EPHA6: variants seen among roughly 807,000 people sequenced by gnomAD.
The protein encoded by EPHA6 is EPH receptor A6.
In EPHA6, 50 loss-of-function variants were observed where a neutral mutation model predicts 112.0. The ratio of observed to expected loss-of-function variants is 0.45; its 90% CI spans 0.36 to 0.56. The LOEUF (loss-of-function observed/expected upper bound fraction) is 0.56. Ranked by LOEUF, EPHA6 falls within the 20% of genes least tolerant of loss-of-function variation. The pLI is 0.00. For missense variants in EPHA6, 1,280 were observed against 1,417.4 expected, an observed-to-expected ratio of 0.90 and a Z score of 1.56; for synonymous variants, 529 against 490.7, an observed-to-expected ratio of 1.08 and a Z score of -1.03.
intron 2 of EPHA6, among the ~76,000 whole-genome samples, chr3:96,955,280 A>T (rs1454752704): frequency 6.6e-6 from 1 of 152,098 alleles, no homozygotes; most frequent in African/African-American, 2.4e-5. Context: ...CTTTACATTA[A>T]TGGTGTTTTT....
intron 11 of EPHA6, among the ~76,000 whole-genome samples, chr3:97,553,226 A>G (rs1228908785): frequency 2.6e-5 from 4 of 151,752 alleles, no homozygotes; most frequent in African/African-American, 9.7e-5. Context: ...ACCCCTGCTA[A>G]TCCACAATGC....
At chr3:97,481,160 C>T (rs1185555188) in intron 9 of EPHA6, 5 of 809,150 alleles carry the variant, frequency 6.2e-6, no homozygotes, top group Non-Finnish European at 8.4e-6. Flanking sequence ...GCCGAGATCA[C>T]GCCACTGCAC....
intron 3 of EPHA6, among the ~76,000 whole-genome samples, chr3:97,115,932 A>C (rs1290597244): frequency 6.6e-6 from 1 of 151,826 alleles, no homozygotes. Flanking sequence ...CCTAAAAACA[A>C]ATCATAGTAC....
chr3:97,720,995 A>G (rs2107796576), intron 15 of EPHA6, among the ~76,000 whole-genome samples: 1 of 152,340 alleles, frequency 6.6e-6, no homozygotes, highest in African/African-American at 2.4e-5. Context: ...TGACCTATCC[A>G]CAGTGATAGA....
At chr3:96,947,922 A>G (rs765515530) in intron 2 of EPHA6, among the ~76,000 whole-genome samples, 3 of 152,156 alleles carry the variant, frequency 2.0e-5, no homozygotes, top group African/African-American at 4.8e-5. Context: ...TAGACCCGAA[A>G]GAGAGCCTGC....
chr3:97,698,556 T>A (rs2033182187), intron 14 of EPHA6, among the ~76,000 whole-genome samples: 1 of 152,170 alleles, frequency 6.6e-6, no homozygotes, highest in African/African-American at 2.4e-5. Flanking sequence ...AATTTCAGGA[T>A]AACACAATAG....
At chr3:96,913,288 C>T (rs1421654756) in intron 2 of EPHA6, among the ~76,000 whole-genome samples, 2 of 151,276 alleles carry the variant, frequency 1.3e-5, no homozygotes. Flanking sequence ...GAGGATTGCT[C>T]GAGCTTGGAA....
At chr3:97,636,772 A>T (rs1239643445) in intron 13 of EPHA6, among the ~76,000 whole-genome samples, 1 of 152,242 alleles carries the variant, frequency 6.6e-6, no homozygotes, top group East Asian at 1.9e-4. Context: ...TTTAAAATTT[A>T]TAAGTTTCTC....
chr3:97,705,510 CTTA>C (rs1302251899), intron 14 of EPHA6, among the ~76,000 whole-genome samples: 1 of 152,154 alleles, frequency 6.6e-6, no homozygotes, highest in Non-Finnish European at 1.5e-5. Flanking sequence ...TAATTGAGCA[CTTA>C]TTATGCTTGG....
Position 96,866,903 on chromosome 3 carries a change from T to G in EPHA6, c.450+14T>G. ...CCATTAAATGGGGTAAGTTTAAATATCTGAAAAATTGCTGTCTTTTTTAGA... is the reference window on the plus strand; with the variant it reads ...CCATTAAATGGGGTAAGTTTAAATAGCTGAAAAATTGCTGTCTTTTTTAGA... On this transcript the variant is annotated intron_variant, in intron 2 of 17. Coordinates refer to ENST00000389672, the MANE Select transcript of EPHA6 (RefSeq NM_001080448.3). 7.0e-7 allele frequency: 1 copy of G among 1,420,498 alleles called. No homozygotes were observed. Among genetic ancestry groups the G allele is most frequent in the Non-Finnish European group, 9.4e-7 (1 of 1,067,732 alleles). The allele number at this position is 1,420,498 out of a possible 1,614,324, so 88.0% of individuals were successfully genotyped here. A position where few individuals can be genotyped will look rare whatever the true frequency, so the allele number is the denominator to read the frequency against.
chr3:97,319,584 C>T (rs2049364), intron 5 of EPHA6, among the ~76,000 whole-genome samples: 16,768 of 149,870 alleles, frequency 0.11, 1,913 homozygotes, highest in African/African-American at 0.25. Context: ...GCAGGAGAGT[C>T]GCTTGAACCC....
At chr3:96,959,154 A>C (rs1369014255) in intron 2 of EPHA6, among the ~76,000 whole-genome samples, 1 of 152,024 alleles carries the variant, frequency 6.6e-6, no homozygotes, top group Non-Finnish European at 1.5e-5. Flanking sequence ...ATTGCTCCAC[A>C]TTTTCACCAA....
intron 5 of EPHA6, among the ~76,000 whole-genome samples, chr3:97,284,251 G>C (rs1379805520): frequency 6.6e-6 from 1 of 151,982 alleles, no homozygotes; most frequent in Non-Finnish European, 1.5e-5. Flanking sequence ...TGTTTTACTA[G>C]CTTTTAAATC....
At chr3:97,061,615 G>A (rs1485964802) in intron 3 of EPHA6, among the ~76,000 whole-genome samples, 1 of 152,112 alleles carries the variant, frequency 6.6e-6, no homozygotes, top group Non-Finnish European at 1.5e-5. Context: ...AAATAAACTC[G>A]GGAAATAGGG....
intron 7 of EPHA6, among the ~76,000 whole-genome samples, chr3:97,452,162 T>G (rs1339855578): frequency 2.6e-5 from 4 of 151,912 alleles, no homozygotes; most frequent in Non-Finnish European, 5.9e-5. Flanking sequence ...CCTCTTGCAC[T>G]TAGAGACCAG....
At chr3:97,051,035 T>C (rs11927062) in intron 3 of EPHA6, among the ~76,000 whole-genome samples, 2,420 of 152,274 alleles carry the variant, frequency 0.016, 62 homozygotes, top group African/African-American at 0.049. Context: ...TCAGAAAGAA[T>C]AAGTTTACCC....
intron 3 of EPHA6, among the ~76,000 whole-genome samples, chr3:97,107,920 T>C (rs1407572831): frequency 6.6e-5 from 10 of 152,204 alleles, no homozygotes; most frequent in Admixed American, 6.5e-4. Flanking sequence ...TTATGTGTTA[T>C]ATAGCTTAGA....
At position 96,935,738 on chromosome 3, in the gene EPHA6, A is replaced by T. The variant is rs540076884; in HGVS notation, c.451-51592A>T. On this transcript the variant is annotated intron_variant, in intron 2 of 17. Transcript: ENST00000389672. ...ATTATATATACATTATATATATATA[A>T]TATATATGCACACATTATATATATG... Among the ~76,000 whole-genome samples the T allele has an allele frequency of 1.1e-3, 145 of 137,252 alleles. 1 individual carries two copies. The highest frequency in any genetic ancestry group is 4.3e-3 in the African/African-American group (137 of 32,180). 90.0% of individuals were successfully genotyped at this position (137,252 alleles called of 152,430 possible).
Position 97,085,951 on chromosome 3 carries a change from A to ATATATATATATATG in EPHA6, c.1114+97958_1114+97959insTATATATATATATG, listed in dbSNP as rs1434635976. 3.4e-5 allele frequency among the ~76,000 whole-genome samples: 5 copies of ATATATATATATATG among 145,934 alleles called. 1 individual carries two copies. The highest frequency in any genetic ancestry group is 1.4e-4 in the African/African-American group (5 of 36,820). ...GTCATATATATATATATATATATACACACTGAGATGGAGTCTCTTGTCACT... is the reference window on the plus strand; with the variant it reads ...GTCATATATATATATATATATATACATATATATATATATGCACTGAGATGGAGTCTCTTGTCACT... On this transcript the variant is annotated intron_variant, in intron 3 of 17. Coordinates refer to ENST00000389672, the MANE Select transcript of EPHA6 (RefSeq NM_001080448.3).
Sources: gnomAD v4.1 joint callset for allele counts (sites outside exome capture counted in the v4.1 genomes callset) on GRCh38, gnomAD v4.1.1 for gene constraint, MANE v1.5 for transcripts, NCBI Gene and HGNC (gene_info 2026-07-23, HGNC 2026-07-21) for gene names.